PDE7B: variants seen among roughly 807,000 people sequenced by gnomAD.
The protein encoded by PDE7B is phosphodiesterase 7B.
A neutral mutation model predicts 56.2 loss-of-function variants in PDE7B; 29 were observed. That is an observed-to-expected ratio of 0.52 (90% CI 0.38 to 0.70). The LOEUF (loss-of-function observed/expected upper bound fraction) is 0.70. Among genes scored for constraint, PDE7B ranks in the 30% least tolerant of loss-of-function variants. The pLI is 0.00. For missense variants in PDE7B, 490 were observed against 565.0 expected, an observed-to-expected ratio of 0.87 and a Z score of 1.35; for synonymous variants, 197 against 196.9, an observed-to-expected ratio of 1.00 and a Z score of 0.00.
chr6:136,161,949 C>G (rs1359850769), intron 8 of PDE7B: 1 of 152,192 alleles, frequency 6.6e-6, no homozygotes, highest in African/African-American at 2.4e-5. Context: ...TATGTGAAGA[C>G]TTTCCAAGGG....
intron 2 of PDE7B, among the ~76,000 whole-genome samples, chr6:136,025,184 T>C (rs1335073711): frequency 6.6e-6 from 1 of 152,238 alleles, no homozygotes; most frequent in Non-Finnish European, 1.5e-5. Flanking sequence ...GAAACAATAG[T>C]GCTAATTCAG....
intron 1 of PDE7B, among the ~76,000 whole-genome samples, chr6:135,882,163 G>C (rs1775622120): frequency 6.6e-6 from 1 of 152,126 alleles, no homozygotes; most frequent in Non-Finnish European, 1.5e-5. Flanking sequence ...AAGCCTGTTA[G>C]GTATAAAATT....
chr6:135,910,238 G>T (rs1464897882), intron 1 of PDE7B, among the ~76,000 whole-genome samples: 1 of 152,060 alleles, frequency 6.6e-6, no homozygotes, highest in African/African-American at 2.4e-5. Context: ...ACATCCAAGG[G>T]GGATCCAACT....
intron 2 of PDE7B, among the ~76,000 whole-genome samples, chr6:135,979,150 T>A (rs554771924): frequency 3.3e-5 from 5 of 151,572 alleles, no homozygotes; most frequent in South Asian, 2.1e-4. Context: ...GGTTTTTGTC[T>A]TTGGTTCTGT....
chr6:136,147,496 A>T lies in PDE7B; in HGVS notation c.312A>T (p.Gln104His), dbSNP rs769572386. ...LHLLDEDYLG[Q>H]ARHMLSKVGM... is the part of the protein sequence containing the mutation. ...TGCTGGATGAAGACTACCTTGGACA[A>T]GCAAGGGTAAGCTGACTGCCCCATC... Residue 104 changes from glutamine to histidine, a missense_variant, in exon 4 of 13, where the codon CAA becomes CAT. Physicochemically the swap from Gln to His is conservative, Grantham distance 24. Transcript: ENST00000308191. 6.2e-7 allele frequency: 1 copy of T among 1,613,714 alleles called. No homozygotes were observed. The highest frequency in any genetic ancestry group is 2.2e-5 in the East Asian group (1 of 44,878).
chr6:136,054,231 A>G (rs1415131512), intron 2 of PDE7B, among the ~76,000 whole-genome samples: 1 of 152,158 alleles, frequency 6.6e-6, no homozygotes. Flanking sequence ...TAATTTTTGT[A>G]TAAGGTGTAA....
intron 2 of PDE7B, among the ~76,000 whole-genome samples, chr6:136,102,474 AT>A (rs1471071799): frequency 6.6e-6 from 1 of 152,204 alleles, no homozygotes; most frequent in Non-Finnish European, 1.5e-5. Context: ...AAATACGTGA[AT>A]GATGCGTAAT....
intron 2 of PDE7B, among the ~76,000 whole-genome samples, chr6:135,986,566 G>T (rs966642910): frequency 6.6e-6 from 1 of 152,222 alleles, no homozygotes; most frequent in African/African-American, 2.4e-5. Flanking sequence ...ATCCCAGCAA[G>T]ATGACACAGG....
intron 3 of PDE7B, among the ~76,000 whole-genome samples, chr6:136,146,894 C>T (rs1026458223): frequency 6.6e-6 from 1 of 152,054 alleles, no homozygotes; most frequent in Non-Finnish European, 1.5e-5. Flanking sequence ...CTAGTTAGGC[C>T]GGGTGCAGTG....
chr6:135,952,898 C>A (rs1413299450), intron 2 of PDE7B, among the ~76,000 whole-genome samples: 1 of 152,068 alleles, frequency 6.6e-6, no homozygotes, highest in Non-Finnish European at 1.5e-5. Flanking sequence ...GTTAGAGAGT[C>A]TTTTCGATTT....
intron 2 of PDE7B, among the ~76,000 whole-genome samples, chr6:135,960,114 G>T (rs1338881905): frequency 1.3e-5 from 2 of 152,122 alleles, no homozygotes; most frequent in African/African-American, 4.8e-5. Flanking sequence ...CTTTAAGGTT[G>T]CAGTTCAAGT....
intron 1 of PDE7B, among the ~76,000 whole-genome samples, chr6:135,880,586 A>G (rs1775590112): frequency 6.6e-6 from 1 of 152,206 alleles, no homozygotes; most frequent in Non-Finnish European, 1.5e-5. Context: ...GCAACGCTTG[A>G]AAGCAACACC....
intron 8 of PDE7B, among the ~76,000 whole-genome samples, chr6:136,165,980 T>A (rs539670671): frequency 6.6e-6 from 1 of 152,302 alleles, no homozygotes; most frequent in East Asian, 1.9e-4. Context: ...CCTAAGGCCA[T>A]CAAAATGATG....
At position 136,181,212 on chromosome 6, in the gene PDE7B, C is replaced by A. The variant is rs1266820086; in HGVS notation, c.949-15C>A. ...ACATCCTCTCACAATTTCTCCCCGC[C>A]CTGTCATTTCTCAGATCGCCTTGAA... On this transcript the variant is annotated splice_polypyrimidine_tract_variant and intron_variant, in intron 10 of 12. Coordinates refer to ENST00000308191, the MANE Select transcript of PDE7B (RefSeq NM_018945.4). The A allele has an allele frequency of 1.3e-6, 2 of 1,593,408 alleles. No individual in the cohort carries two copies. The highest frequency in any genetic ancestry group is 1.7e-6 in the Non-Finnish European group (2 of 1,161,452).
chr6:136,194,201 G>A lies in PDE7B; in HGVS notation c.*2361G>A, dbSNP rs1035266759. 2.6e-5 allele frequency: 4 copies of A among 152,174 alleles called. No individual in the cohort carries two copies. The highest frequency in any genetic ancestry group is 4.4e-5 in the Non-Finnish European group (3 of 68,036). The allele number at this position is 152,174 out of a possible 1,614,324, so 9.4% of individuals were successfully genotyped here. On this transcript the variant is annotated 3_prime_UTR_variant, in exon 13 of 13. Transcript: ENST00000308191. The stretch of plus-strand genomic sequence containing the variant: ...GCAATTGCTGGGGACAAGAAAAGTA[G>A]AGGTAGGAAAGAAGACACTATTTTA...
chr6:136,183,609 A>G (rs538852269), intron 11 of PDE7B, among the ~76,000 whole-genome samples: 6 of 150,420 alleles, frequency 4.0e-5, no homozygotes, highest in African/African-American at 7.3e-5. Flanking sequence ...AAAAAAAAAA[A>G]AAAGAAAAAG....
chr6:135,935,188 A>ATATATATATTTATATATATATATATT (rs1562445427), intron 1 of PDE7B, among the ~76,000 whole-genome samples: 1 of 27,810 alleles, frequency 3.6e-5, no homozygotes, highest in Admixed American at 6.4e-4. Flanking sequence ...ATATATATTT[A>ATATATATATTTATATATATATATATT]TTTATATATA....
chr6:136,049,351 C>T (rs1776582187), intron 2 of PDE7B: 1 of 152,336 alleles, frequency 6.6e-6, no homozygotes, highest in African/African-American at 2.4e-5. Flanking sequence ...ATCCTCCTGC[C>T]TCTGCCTCCC....
chr6:136,024,072 TA>T (rs953101289), intron 2 of PDE7B, among the ~76,000 whole-genome samples: 6 of 151,494 alleles, frequency 4.0e-5, no homozygotes, highest in East Asian at 3.9e-4. Context: ...GGATGACATT[TA>T]AAAAAAAACC....
Sources: gnomAD v4.1 joint callset for allele counts (sites outside exome capture counted in the v4.1 genomes callset) on GRCh38, gnomAD v4.1.1 for gene constraint, MANE v1.5 for transcripts, NCBI Gene and HGNC (gene_info 2026-07-23, HGNC 2026-07-21) for gene names.